TRHDE: variants seen among roughly 807,000 people sequenced by gnomAD.
TRHDE encodes the protein thyrotropin releasing hormone degrading enzyme, also known as thyrotropin-releasing hormone-degrading ectoenzyme.
A neutral mutation model predicts 125.7 loss-of-function variants in TRHDE; 72 were observed. That is an observed-to-expected ratio of 0.57 (90% CI 0.47 to 0.70). The LOEUF is 0.70. Among genes scored for constraint, TRHDE ranks in the 30% least tolerant of loss-of-function variants. TRHDE has a pLI of 0.00. For synonymous variants in TRHDE, 509 were observed against 509.1 expected, an observed-to-expected ratio of 1.00 and a Z score of 0.00; for missense variants, 1,110 against 1,327.1, an observed-to-expected ratio of 0.84 and a Z score of 2.54.
chr12:72,659,952 C>T (rs939108036), intron 18 of TRHDE, among the ~76,000 whole-genome samples: 13 of 152,074 alleles, frequency 8.5e-5, no homozygotes, highest in African/African-American at 3.1e-4. Context: ...AGCTGGGCCC[C>T]GGGGACCACT....
chr12:72,562,886 C>T lies in TRHDE; in HGVS notation c.1888C>T (p.Gln630Ter). 6.3e-7 allele frequency: 1 copy of T among 1,587,404 alleles called. No individual in the cohort carries two copies. The highest frequency in any genetic ancestry group is 8.5e-7 in the Non-Finnish European group (1 of 1,171,646). The change falls in exon 9 of 19, where the codon CAA becomes TAA. Residue 630 changes from glutamine to a stop codon, truncating the protein, a stop_gained. Transcript: ENST00000261180. LOFTEE classifies it high-confidence loss of function. ...AAGAAATGGGAAATATGTAAATATA[C>T]AAGAAGTAATGGATCAGTGGACACT... ...LKRNGKYVNI[Q>*]EVMDQWTLQM...
intron 2 of TRHDE, among the ~76,000 whole-genome samples, chr12:72,358,333 T>C (rs2135747996): frequency 6.6e-6 from 1 of 151,686 alleles, no homozygotes; most frequent in African/African-American, 2.4e-5. Context: ...AAGAAGACAA[T>C]GAGTATGAAA....
rs1875208973 is a variant in TRHDE, at chr12:72,669,906, A to G, written c.*6711A>G. On this transcript the variant is annotated 3_prime_UTR_variant, in exon 19 of 19. Coordinates refer to ENST00000261180, the MANE Select transcript of TRHDE (RefSeq NM_013381.3). ...CCCTTTGCATTTTGATAATATCGAA[A>G]ACAGATTAGGGCTGAAAAACTAAAA... 1 of 151,694 alleles carries G rather than the reference A, an allele frequency of 6.6e-6. No homozygotes were observed. Among genetic ancestry groups the G allele is most frequent in the South Asian group, 2.1e-4 (1 of 4,828 alleles). The allele number at this position is 151,694 out of a possible 1,614,324, so 9.4% of individuals were successfully genotyped here.
intron 3 of TRHDE, among the ~76,000 whole-genome samples, chr12:72,442,667 C>G (rs376252902): frequency 1.8e-4 from 27 of 151,912 alleles, no homozygotes; most frequent in South Asian, 1.2e-3. Flanking sequence ...TAGATCCAAA[C>G]AGCATTCGGC....
At chr12:72,489,859 C>G (rs890906695) in intron 5 of TRHDE, among the ~76,000 whole-genome samples, 2 of 151,744 alleles carry the variant, frequency 1.3e-5, no homozygotes, top group Admixed American at 6.6e-5. Flanking sequence ...TGGGTAAGAC[C>G]TAAATGTAAG....
At chr12:72,598,765 G>C (rs1057193806) in intron 12 of TRHDE, among the ~76,000 whole-genome samples, 6 of 151,938 alleles carry the variant, frequency 3.9e-5, no homozygotes, top group African/African-American at 1.4e-4. Flanking sequence ...GGGTACATGT[G>C]CAGTTTTGTT....
At chr12:72,585,195 A>G (rs572038378) in intron 12 of TRHDE, among the ~76,000 whole-genome samples, 32 of 152,274 alleles carry the variant, frequency 2.1e-4, no homozygotes, top group Middle Eastern at 3.4e-3. Flanking sequence ...TTTTATTAAA[A>G]TTTATATGTT....
At chr12:72,570,427 A>G (rs1027769194) in intron 10 of TRHDE, among the ~76,000 whole-genome samples, 3 of 151,974 alleles carry the variant, frequency 2.0e-5, no homozygotes, top group African/African-American at 4.8e-5. Flanking sequence ...CTAAAAATAC[A>G]GAAATTAGCT....
intron 12 of TRHDE, among the ~76,000 whole-genome samples, chr12:72,597,713 G>GTATATATATATATATATA (rs762515309): frequency 5.4e-5 from 1 of 18,480 alleles, no homozygotes; most frequent in Non-Finnish European, 9.1e-5. Context: ...GTGTGTGTAT[G>GTATATATATATATATATA]TATATATATA....
intron 12 of TRHDE, among the ~76,000 whole-genome samples, chr12:72,591,035 T>A (rs911332484): frequency 1.3e-5 from 2 of 152,230 alleles, no homozygotes; most frequent in African/African-American, 4.8e-5. Flanking sequence ...CTCACGATCA[T>A]TGCAGAAGGC....
chr12:72,191,688 A>G (rs548977451), intron 2 of TRHDE, among the ~76,000 whole-genome samples: 10 of 152,316 alleles, frequency 6.6e-5, no homozygotes, highest in African/African-American at 2.4e-4. Context: ...GAGTATAGAT[A>G]TTAGTCCTTT....
At position 72,092,410 on chromosome 12, in the gene TRHDE, G is replaced by A. The variant is rs562223247; in HGVS notation, n.174+4971G>A. 2.0e-4 allele frequency among the ~76,000 whole-genome samples: 30 copies of A among 152,306 alleles called. No homozygotes were observed. In the East Asian group the frequency reaches 2.5e-3, roughly 13 times the overall value. ...CCCATGTAACTGGAAAGCATAGTTAGGAGCTCTGTTTTCAAACACAAGTGG... is the reference window on the plus strand; with the variant it reads ...CCCATGTAACTGGAAAGCATAGTTAAGAGCTCTGTTTTCAAACACAAGTGG... On this transcript the variant is annotated intron_variant and non_coding_transcript_variant, in intron 1 of 4. Transcript: ENST00000548156.
At chr12:72,159,067 T>C (rs1477962543) in intron 2 of TRHDE, among the ~76,000 whole-genome samples, 1 of 152,220 alleles carries the variant, frequency 6.6e-6, no homozygotes, top group Non-Finnish European at 1.5e-5. Context: ...CAGTCTACAA[T>C]ATGATTTTAA....
At chr12:72,578,923 G>A (rs1195320845) in intron 12 of TRHDE, among the ~76,000 whole-genome samples, 4 of 149,736 alleles carry the variant, frequency 2.7e-5, no homozygotes, top group Admixed American at 2.7e-4. Flanking sequence ...CTGCTCACAG[G>A]TAAAATATTT....
At chr12:72,496,639 C>T (rs1877932003) in intron 5 of TRHDE, among the ~76,000 whole-genome samples, 2 of 152,258 alleles carry the variant, frequency 1.3e-5, no homozygotes, top group Admixed American at 1.3e-4. Flanking sequence ...TGTTGTTTTT[C>T]TCAAAATCCC....
intron 3 of TRHDE, among the ~76,000 whole-genome samples, chr12:72,469,104 A>C (rs955457137): frequency 6.6e-5 from 10 of 152,170 alleles, no homozygotes; most frequent in African/African-American, 2.4e-4. Flanking sequence ...TTCATAGGTG[A>C]GGGAATTGTG....
intron 12 of TRHDE, 44 bp from the exon 13 acceptor site, chr12:72,618,847 T>C: frequency 1.4e-6 from 2 of 1,411,922 alleles, no homozygotes; most frequent in South Asian, 1.7e-5. Context: ...GTAAAAATCT[T>C]CGTTTGTGCA....
intron 2 of TRHDE, among the ~76,000 whole-genome samples, chr12:72,161,049 G>C (rs1876625517): frequency 6.6e-6 from 1 of 151,904 alleles, no homozygotes; most frequent in Admixed American, 6.6e-5. Flanking sequence ...TTTCTCACTG[G>C]CTGCAAATTG....
At chr12:72,504,727 A>G (rs1878291799) in intron 6 of TRHDE, among the ~76,000 whole-genome samples, 1 of 152,220 alleles carries the variant, frequency 6.6e-6, no homozygotes, top group Non-Finnish European at 1.5e-5. Flanking sequence ...GTTAATATTG[A>G]TAGATCTGGA....
Sources: allele counts gnomAD v4.1 joint callset (sites outside exome capture counted in the v4.1 genomes callset), GRCh38; gene constraint gnomAD v4.1.1; transcripts MANE v1.5; gene names NCBI Gene and HGNC (gene_info 2026-07-23, HGNC 2026-07-21).